Variants in ATP6V0A1 observed in about 807,000 individuals in gnomAD.
The protein encoded by ATP6V0A1 is V-type proton ATPase 116 kDa subunit a 1.
Under a neutral mutation model 105.4 loss-of-function variants are expected in ATP6V0A1, and 43 were observed. That is an observed-to-expected ratio of 0.41 (90% CI 0.32 to 0.53). The LOEUF is 0.53. Among genes scored for constraint, ATP6V0A1 ranks in the 20% least tolerant of loss-of-function variants. ATP6V0A1 has a pLI of 0.30. For missense variants in ATP6V0A1, 676 were observed against 1,051.1 expected (o/e 0.64, Z 4.93); for synonymous variants, 362 against 372.8 (o/e 0.97, Z 0.33).
In ATP6V0A1 at chr17:42,493,093, C is replaced by A. The variant is rs75640691; in HGVS notation, c.1175-1241C>A. On this transcript the variant is annotated intron_variant, in intron 11 of 21. Coordinates refer to ENST00000343619, the MANE Select transcript of ATP6V0A1 (RefSeq NM_001130021.3). ...AAACACCTGGACTTCTCTAGCAAATCATTTGCAGGAACTGTTTTAAGCAAA... is the reference window on the plus strand; with the variant it reads ...AAACACCTGGACTTCTCTAGCAAATAATTTGCAGGAACTGTTTTAAGCAAA... 1.1e-3 allele frequency among the ~76,000 whole-genome samples: 163 copies of A among 152,282 alleles called. 1 individual carries two copies. Among genetic ancestry groups the A allele is most frequent in the African/African-American group, 3.6e-3 (151 of 41,554 alleles).
chr17:42,514,504 C>T, intron 21 of ATP6V0A1, 44 bp downstream of exon 21: 2 of 1,515,436 alleles, frequency 1.3e-6, no homozygotes, highest in Non-Finnish European at 1.8e-6. Flanking sequence ...TGGATGTGTC[C>T]TTAGCTGCGG....
intron 19 of ATP6V0A1, among the ~76,000 whole-genome samples, chr17:42,512,024 G>C (rs1417472177): frequency 6.6e-6 from 1 of 152,174 alleles, no homozygotes; most frequent in East Asian, 1.9e-4. Context: ...TTTTGTGGAG[G>C]AGTGAAGGTG....
intron 11 of ATP6V0A1, 80 bp from the exon 12 acceptor site, chr17:42,494,254 G>A: frequency 2.2e-6 from 3 of 1,394,272 alleles, no homozygotes; most frequent in Non-Finnish European, 2.9e-6. Context: ...AGGGGGGTGG[G>A]TATGGAAAAG....
intron 9 of ATP6V0A1, among the ~76,000 whole-genome samples, chr17:42,485,583 C>G (rs1161357185): frequency 1.3e-5 from 2 of 152,082 alleles, no homozygotes; most frequent in Non-Finnish European, 2.9e-5. Flanking sequence ...AAAGACAGAT[C>G]TCACTCTGTC....
rs1430491158 is a variant in ATP6V0A1, at chr17:42,515,991, C to T, written c.2420+1531C>T. On this transcript the variant is annotated intron_variant, in intron 21 of 21. Transcript: ENST00000343619. ...GATTCTCTTTTTGGGGGTCTCAAAACCCCAATGTCTCTGGAAGTTCTGGCC... is the reference window on the plus strand; with the variant it reads ...GATTCTCTTTTTGGGGGTCTCAAAATCCCAATGTCTCTGGAAGTTCTGGCC... Among the ~76,000 whole-genome samples, 3 of 152,182 alleles carry T rather than the reference C, an allele frequency of 2.0e-5. No individual in the cohort carries two copies. The East Asian group carries it at 5.8e-4, about 29-fold the overall frequency.
rs1472838489 is a variant in ATP6V0A1, at chr17:42,494,396, G to A, written c.1237G>A (p.Gly413Ser). 1 of 1,613,258 alleles carries A rather than the reference G, an allele frequency of 6.2e-7. No homozygotes were observed. The highest frequency in any genetic ancestry group is 8.5e-7 in the Non-Finnish European group (1 of 1,179,372). ...FAVMFGDFGH[G>S]ILMTLFAVWM... ...TGTGATGTTTGGAGACTTCGGTCAT[G>A]GCATTTTAATGACCCTTTTTGCTGT... Residue 413 changes from glycine (G) to serine (S), a missense_variant, in exon 12 of 22, where the codon GGC (glycine) becomes AGC (serine). Transcript: ENST00000343619.
At chr17:42,514,255 A>G in intron 20 of ATP6V0A1, 34 bp from the exon 21 acceptor site, 2 of 1,546,614 alleles carry the variant, frequency 1.3e-6, no homozygotes, top group Non-Finnish European at 1.7e-6. Flanking sequence ...CCTCTTGCCA[A>G]ACTGCACTGG....
chr17:42,494,892 A>G, intron 12 of ATP6V0A1, 142 bp from the exon 13 acceptor site: 2 of 807,054 alleles, frequency 2.5e-6, no homozygotes, highest in South Asian at 2.2e-5. Flanking sequence ...TTAGCATTGT[A>G]TTTTGGTTTT....
chr17:42,468,340 G>A (rs949426904), intron 4 of ATP6V0A1, among the ~76,000 whole-genome samples: 3 of 152,112 alleles, frequency 2.0e-5, no homozygotes, highest in African/African-American at 4.8e-5. Context: ...GGTATTTGGA[G>A]TATCCATCAC....
chr17:42,487,262 C>T lies in ATP6V0A1; in HGVS notation c.918C>T (p.Thr306=). Residue 306 remains threonine, a synonymous_variant, in exon 10 of 22, where the codon ACC becomes ACT. Transcript: ENST00000343619. The part of the protein sequence containing the change: ...KVRKMKAIYH[T]LNLCNIDVTQ... Reference sequence around the variant, plus strand: ...GGAAGATGAAGGCCATCTATCACACCCTGAACCTGTGCAACATAGATGTGA... The same window carrying T: ...GGAAGATGAAGGCCATCTATCACACTCTGAACCTGTGCAACATAGATGTGA... 2 of 1,614,142 alleles carry T rather than the reference C, an allele frequency of 1.2e-6. No homozygotes were observed. The highest frequency in any genetic ancestry group is 1.7e-6 in the Non-Finnish European group (2 of 1,180,026).
chr17:42,499,707 G>A (rs539349189), intron 15 of ATP6V0A1, among the ~76,000 whole-genome samples: 1 of 151,372 alleles, frequency 6.6e-6, no homozygotes, highest in East Asian at 1.9e-4. Context: ...AGAATTGCTT[G>A]AACCCAGGAG....
At position 42,483,087 on chromosome 17, in the gene ATP6V0A1, G is replaced by T. The variant is rs1240831114; in HGVS notation, c.766G>T (p.Glu256Ter). Reference sequence around the variant, plus strand: ...TCCTGAGACACCACAGGAGAGGAAGGAAATGGCTTCTGGAGTGAATACCAG... The same window carrying T: ...TCCTGAGACACCACAGGAGAGGAAGTAAATGGCTTCTGGAGTGAATACCAG... ...PCPETPQERK[E>*]MASGVNTRID... Residue 256 changes from glutamate to a stop codon, truncating the protein, a stop_gained, in exon 9 of 22, where the codon GAA (glutamate) becomes TAA (stop). Coordinates refer to ENST00000343619, the MANE Select transcript of ATP6V0A1 (RefSeq NM_001130021.3). LOFTEE classifies it high-confidence loss of function. The T allele has an allele frequency of 1.9e-6, 3 of 1,569,690 alleles. No homozygotes were observed. The highest frequency in any genetic ancestry group is 2.6e-6 in the Non-Finnish European group (3 of 1,154,730).
intron 20 of ATP6V0A1, 125 bp from the exon 21 acceptor site, chr17:42,514,164 C>A: frequency 7.5e-7 from 1 of 1,339,258 alleles, no homozygotes; most frequent in Non-Finnish European, 1.0e-6. Flanking sequence ...GCATGGTGGT[C>A]CCACTAAGGC....
chr17:42,505,541 T>C (rs1599050246), intron 17 of ATP6V0A1, among the ~76,000 whole-genome samples: 1 of 152,060 alleles, frequency 6.6e-6, no homozygotes, highest in African/African-American at 2.4e-5. Context: ...GGTTTCACCA[T>C]GTTGGCCGGG....
intron 7 of ATP6V0A1, chr17:42,480,370 TA>T: frequency 5.2e-6 from 1 of 194,104 alleles, no homozygotes; most frequent in South Asian, 1.5e-4. Flanking sequence ...ATATAAGATT[TA>T]AAGCTGAATT....
chr17:42,474,045 C>G (rs1255979424), intron 5 of ATP6V0A1, among the ~76,000 whole-genome samples: 1 of 151,512 alleles, frequency 6.6e-6, no homozygotes, highest in Non-Finnish European at 1.5e-5. Context: ...CTTTGTCATC[C>G]AGGCTGGAGT....
intron 14 of ATP6V0A1, 111 bp downstream of exon 14, chr17:42,495,827 C>T (rs1183718229): frequency 5.2e-5 from 49 of 948,332 alleles, no homozygotes; most frequent in Middle Eastern, 2.3e-4. Context: ...TGGGCATGGT[C>T]GCTCATGCCT....
intron 17 of ATP6V0A1, among the ~76,000 whole-genome samples, chr17:42,502,494 GCGCACACA>G (rs1053904191): frequency 1.3e-5 from 2 of 151,668 alleles, no homozygotes; most frequent in African/African-American, 4.9e-5. Flanking sequence ...AATTCTGCGC[GCGCACACA>G]CACACACACA....
At chr17:42,504,391 G>A (rs979304696) in intron 17 of ATP6V0A1, among the ~76,000 whole-genome samples, 1 of 152,224 alleles carries the variant, frequency 6.6e-6, no homozygotes, top group African/African-American at 2.4e-5. Context: ...GATTTAACCT[G>A]TCTGCTCCTC....
Sources: gnomAD v4.1 joint callset for allele counts (sites outside exome capture counted in the v4.1 genomes callset) on GRCh38, gnomAD v4.1.1 for gene constraint, MANE v1.5 for transcripts, NCBI Gene and HGNC (gene_info 2026-07-23, HGNC 2026-07-21) for gene names.